The following KCNJ3 variants were observed in gnomAD, a reference collection of about 807,000 sequenced individuals.
KCNJ3 encodes the protein potassium inwardly rectifying channel subfamily J member 3.
A neutral mutation model predicts 39.2 loss-of-function variants in KCNJ3; 4 were observed. The ratio of observed to expected loss-of-function variants is 0.10; its 90% CI spans 0.05 to 0.23. The LOEUF (loss-of-function observed/expected upper bound fraction) is 0.23. Ranked by LOEUF, KCNJ3 falls within the 10% of genes least tolerant of loss-of-function variation. The probability of loss-of-function intolerance (pLI) is 1.00; values close to 1 mark genes in which losing one functional copy is unlikely to be tolerated. For missense variants in KCNJ3, 276 were observed against 634.9 expected (o/e 0.43, Z 6.08); for synonymous variants, 230 against 237.4 (o/e 0.97, Z 0.29).
chr2:154,847,593 T>TCTC (rs1426100120), intron 2 of KCNJ3, among the ~76,000 whole-genome samples: 2 of 152,062 alleles, frequency 1.3e-5, no homozygotes, highest in East Asian at 3.9e-4. Context: ...CAGGATTTTT[T>TCTC]CTTCTGTGTA....
At chr2:154,772,153 T>C (rs1686254036) in intron 2 of KCNJ3, among the ~76,000 whole-genome samples, 1 of 152,136 alleles carries the variant, frequency 6.6e-6, no homozygotes, top group South Asian at 2.1e-4. Flanking sequence ...AAAACAACAT[T>C]GACACAAACT....
chr2:154,792,813 A>G (rs1686658069), intron 2 of KCNJ3, among the ~76,000 whole-genome samples: 1 of 152,136 alleles, frequency 6.6e-6, no homozygotes, highest in Non-Finnish European at 1.5e-5. Flanking sequence ...TTAGTTTATC[A>G]TGCTGTCAAC....
chr2:154,749,221 A>G (rs888025715), intron 2 of KCNJ3, among the ~76,000 whole-genome samples: 1 of 152,080 alleles, frequency 6.6e-6, no homozygotes, highest in Non-Finnish European at 1.5e-5. Flanking sequence ...ATTGACAAGT[A>G]AGCGACCTTT....
intron 2 of KCNJ3, among the ~76,000 whole-genome samples, chr2:154,731,682 A>T (rs1685450775): frequency 6.6e-6 from 1 of 150,764 alleles, no homozygotes; most frequent in South Asian, 2.1e-4. Context: ...TACCTTTTCA[A>T]ATAGGTGATA....
chr2:154,835,342 T>A (rs2197486), intron 2 of KCNJ3, among the ~76,000 whole-genome samples: 12 of 92,110 alleles, frequency 1.3e-4, no homozygotes, highest in East Asian at 9.9e-4. Flanking sequence ...ATTATTTTCT[T>A]TTTTTTGTTT....
intron 2 of KCNJ3, among the ~76,000 whole-genome samples, chr2:154,785,119 C>T (rs1364891303): frequency 6.6e-6 from 1 of 152,206 alleles, no homozygotes; most frequent in Non-Finnish European, 1.5e-5. Context: ...GTAAACTGTT[C>T]TCTCATAGAG....
intron 2 of KCNJ3, among the ~76,000 whole-genome samples, chr2:154,766,777 A>T (rs1489559842): frequency 6.6e-6 from 1 of 152,030 alleles, no homozygotes; most frequent in Non-Finnish European, 1.5e-5. Flanking sequence ...GCTGGTCTCG[A>T]ACTCCTGACC....
At chr2:154,822,985 AAT>A (rs763909315) in intron 2 of KCNJ3, among the ~76,000 whole-genome samples, 7 of 151,676 alleles carry the variant, frequency 4.6e-5, no homozygotes, top group East Asian at 3.9e-4. Flanking sequence ...ATATAGCATT[AAT>A]ATGTTTCTTA....
At chr2:154,824,217 C>T (rs1287516797) in intron 2 of KCNJ3, among the ~76,000 whole-genome samples, 1 of 152,058 alleles carries the variant, frequency 6.6e-6, no homozygotes, top group Non-Finnish European at 1.5e-5. Flanking sequence ...CACCTGTAGT[C>T]CCAGCTACTT....
chr2:154,828,667 G>A (rs985966088), intron 2 of KCNJ3, among the ~76,000 whole-genome samples: 6 of 152,170 alleles, frequency 3.9e-5, no homozygotes, highest in African/African-American at 1.2e-4. Context: ...CATCTCCTCA[G>A]TTCCCAAACT....
intron 2 of KCNJ3, among the ~76,000 whole-genome samples, chr2:154,774,960 G>T (rs1306133468): frequency 6.6e-6 from 1 of 152,088 alleles, no homozygotes; most frequent in Admixed American, 6.6e-5. Context: ...TGTTGCCCAG[G>T]CTAGAGTGCA....
intron 2 of KCNJ3, among the ~76,000 whole-genome samples, chr2:154,732,186 A>G (rs1203340458): frequency 6.6e-6 from 1 of 152,086 alleles, no homozygotes; most frequent in Non-Finnish European, 1.5e-5. Context: ...ATGAAATGCA[A>G]TTTGTATAGA....
intron 2 of KCNJ3, among the ~76,000 whole-genome samples, chr2:154,823,957 G>A (rs1687226037): frequency 1.3e-5 from 2 of 152,272 alleles, no homozygotes; most frequent in South Asian, 4.1e-4. Context: ...CAACTTCCTT[G>A]AAGTAAAACT....
intron 2 of KCNJ3, among the ~76,000 whole-genome samples, chr2:154,723,868 T>G (rs1460202256): frequency 6.6e-6 from 1 of 152,158 alleles, no homozygotes; most frequent in Non-Finnish European, 1.5e-5. Flanking sequence ...TTAAAAATCC[T>G]TCAGAGTGAT....
At chr2:154,819,999 T>C (rs1335135694) in intron 2 of KCNJ3, among the ~76,000 whole-genome samples, 1 of 152,170 alleles carries the variant, frequency 6.6e-6, no homozygotes, top group African/African-American at 2.4e-5. Context: ...TTTAGAATTA[T>C]GGAAACATTG....
chr2:154,828,689 T>C (rs13032396), intron 2 of KCNJ3, among the ~76,000 whole-genome samples: 2 of 152,234 alleles, frequency 1.3e-5, no homozygotes, highest in East Asian at 3.9e-4. Context: ...CTCCCTTGAA[T>C]GCTATTCCCT....
intron 2 of KCNJ3, among the ~76,000 whole-genome samples, chr2:154,806,187 T>C (rs1574469278): frequency 6.6e-6 from 1 of 152,174 alleles, no homozygotes; most frequent in African/African-American, 2.4e-5. Context: ...CCTTCCTCCA[T>C]TACATGAATA....
intron 2 of KCNJ3, among the ~76,000 whole-genome samples, chr2:154,837,500 G>A (rs960000473): frequency 2.0e-5 from 3 of 152,072 alleles, no homozygotes; most frequent in Admixed American, 1.3e-4. Context: ...GTGACCCTCT[G>A]GAGTGGTGGT....
At chr2:154,701,572 A>G (rs749811912) in intron 1 of KCNJ3, among the ~76,000 whole-genome samples, 1 of 152,094 alleles carries the variant, frequency 6.6e-6, no homozygotes, top group Non-Finnish European at 1.5e-5. Context: ...GCCTAAGGAA[A>G]TGTACCACAT....
Sources: gnomAD v4.1 joint callset for allele counts (sites outside exome capture counted in the v4.1 genomes callset) on GRCh38, gnomAD v4.1.1 for gene constraint, MANE v1.5 for transcripts, NCBI Gene and HGNC (gene_info 2026-07-23, HGNC 2026-07-21) for gene names.